Variants in SIPA1L1 observed in about 807,000 individuals in gnomAD.
The protein encoded by SIPA1L1 is signal-induced proliferation-associated 1-like protein 1.
Under a neutral mutation model 162.7 loss-of-function variants are expected in SIPA1L1, and 26 were observed. The ratio of observed to expected loss-of-function variants is 0.16; its 90% CI spans 0.12 to 0.22. The LOEUF (loss-of-function observed/expected upper bound fraction) is 0.22. Among genes scored for constraint, SIPA1L1 ranks in the 10% least tolerant of loss-of-function variants. SIPA1L1 has a pLI of 1.00. For missense variants in SIPA1L1, 1,874 were observed against 2,241.0 expected (o/e 0.84, Z 3.31); for synonymous variants, 829 against 837.4 (o/e 0.99, Z 0.17).
At position 71,589,064 on chromosome 14, in the gene SIPA1L1, C is replaced by T; in HGVS notation, c.1192C>T (p.Leu398Phe). 6.2e-7 allele frequency: 1 copy of T among 1,614,098 alleles called. No homozygotes were observed. Among genetic ancestry groups the T allele is most frequent in the South Asian group, 1.1e-5 (1 of 91,086 alleles). ...STEDLNSKGS[L>F]SMDQGDDKSN... ...AGAGGACCTGAATTCCAAAGGAAGCCTCAGCATGGACCAGGGAGATGATAA... is the reference window on the plus strand; with the variant it reads ...AGAGGACCTGAATTCCAAAGGAAGCTTCAGCATGGACCAGGGAGATGATAA... Residue 398 changes from leucine (L) to phenylalanine (F), a missense_variant, in exon 5 of 24, where the codon CTC becomes TTC. Physicochemically the swap from Leu to Phe is conservative, Grantham distance 22. This residue lies in a region of SIPA1L1 where 685 missense variants were observed against 828.0 expected (regional missense o/e 0.83). Coordinates refer to ENST00000381232, the MANE Select transcript of SIPA1L1 (RefSeq NM_001386936.1).
chr14:71,591,134 T>G (rs183296009), intron 5 of SIPA1L1, among the ~76,000 whole-genome samples: 4 of 152,266 alleles, frequency 2.6e-5, no homozygotes, highest in Non-Finnish European at 4.4e-5. Context: ...TAATGGGTAC[T>G]TTTTTCCTAT....
chr14:71,352,938 C>G (rs2036864587), intron 2 of SIPA1L1, among the ~76,000 whole-genome samples: 1 of 152,122 alleles, frequency 6.6e-6, no homozygotes, highest in Non-Finnish European at 1.5e-5. Flanking sequence ...ATTTAAGCAC[C>G]TTTTCATATT....
At chr14:71,627,228 G>C (rs566215310) in intron 7 of SIPA1L1, among the ~76,000 whole-genome samples, 1 of 136,472 alleles carries the variant, frequency 7.3e-6, no homozygotes, top group Non-Finnish European at 1.5e-5. Context: ...GCGCGATCTC[G>C]GCTCACTGCA....
chr14:71,467,852 T>TAAAAAAAAAA (rs11394096), intron 2 of SIPA1L1, among the ~76,000 whole-genome samples: 1 of 135,780 alleles, frequency 7.4e-6, no homozygotes, highest in African/African-American at 2.7e-5. Flanking sequence ...CCCCATCTCT[T>TAAAAAAAAAA]AAAAAAAAAA....
At position 71,377,836 on chromosome 14, in the gene SIPA1L1, C is replaced by T. The variant is rs1319965634; in HGVS notation, c.-465+56655C>T. 1.3e-5 allele frequency among the ~76,000 whole-genome samples: 2 copies of T among 152,136 alleles called. No individual in the cohort carries two copies. Among genetic ancestry groups the T allele is most frequent in the African/African-American group, 2.4e-5 (1 of 41,444 alleles). On this transcript the variant is annotated intron_variant, in intron 2 of 23. Transcript: ENST00000381232. The surrounding 1 kb of genome is among the most constrained non-coding windows in gnomAD (Gnocchi z 4.8). ...CCAAAAAATACAAAAACCAGTCAGG[C>T]GTGGCGGCGCGTGCCTGCAATCCCA...
rs549976706 is a variant in SIPA1L1, at chr14:71,567,951, G to T, written c.-302-19620G>T. On this transcript the variant is annotated intron_variant, in intron 4 of 23. Coordinates refer to ENST00000381232, the MANE Select transcript of SIPA1L1 (RefSeq NM_001386936.1). ...GCATTTGTAAACTGCAGTAGTGCTG[G>T]TGGGAATGTCTTTTAGCATGCTAAT... Among the ~76,000 whole-genome samples, 3 of 152,228 alleles carry T rather than the reference G, an allele frequency of 2.0e-5. No individual in the cohort carries two copies. In the South Asian group the frequency reaches 6.2e-4, roughly 32 times the overall value.
rs192312352 is a variant in SIPA1L1 at position 71,430,512 on chromosome 14, G to A, written c.-464-82231G>A. Among the ~76,000 whole-genome samples, 32 of 152,186 alleles carry A rather than the reference G, an allele frequency of 2.1e-4. 1 individual carries two copies. In the East Asian group the frequency reaches 5.8e-3, roughly 28 times the overall value. On this transcript the variant is annotated intron_variant, in intron 2 of 23. Transcript: ENST00000381232. ...TTCATCTAACAAATGGGGCTAATAA[G>A]CCAGGAGCCCAGCAGGGTTTTTGGG...
At chr14:71,453,694 G>A (rs1429228820) in intron 2 of SIPA1L1, among the ~76,000 whole-genome samples, 2 of 152,060 alleles carry the variant, frequency 1.3e-5, no homozygotes, top group Non-Finnish European at 2.9e-5. Flanking sequence ...TATTGCATTA[G>A]AAATCTTAGA....
Position 71,335,781 on chromosome 14 carries a change from A to G in SIPA1L1, c.-465+14600A>G, listed in dbSNP as rs2035032467. On this transcript the variant is annotated intron_variant, in intron 2 of 23. Transcript: ENST00000381232. ...TTACCCATCCGCTTAATAATTGTTA[A>G]GTTACATAGTCTTTTGCTTTTCATT... Among the ~76,000 whole-genome samples, 4 of 152,186 alleles carry G rather than the reference A, an allele frequency of 2.6e-5. No individual in the cohort carries two copies. The South Asian group carries it at 8.3e-4, about 32-fold the overall frequency.
chr14:71,624,729 A>T (rs2039799857), intron 7 of SIPA1L1, among the ~76,000 whole-genome samples: 1 of 152,178 alleles, frequency 6.6e-6, no homozygotes, highest in Admixed American at 6.5e-5. Context: ...TTAAGTAATA[A>T]ATCCAATTTC....
chr14:71,661,019 G>A (rs2043459836), intron 9 of SIPA1L1, among the ~76,000 whole-genome samples: 1 of 152,210 alleles, frequency 6.6e-6, no homozygotes, highest in South Asian at 2.1e-4. Flanking sequence ...CAACACTGTT[G>A]TTATAGAAAC....
intron 2 of SIPA1L1, among the ~76,000 whole-genome samples, chr14:71,455,816 T>C (rs1459840598): frequency 6.6e-6 from 1 of 152,192 alleles, no homozygotes; most frequent in African/African-American, 2.4e-5. Context: ...TGTTAAATTG[T>C]TCCTTCTTGT....
At position 71,727,348 on chromosome 14, in the gene SIPA1L1, G is replaced by A. The variant is rs551556307; in HGVS notation, c.4614+2513G>A. Among the ~76,000 whole-genome samples the A allele has an allele frequency of 8.6e-5, 13 of 152,032 alleles. No individual in the cohort carries two copies. In the East Asian group the frequency reaches 2.3e-3, roughly 27 times the overall value. ...ACAGGAGACTGGCATGAAACAAAAC[G>A]CCACCTCTCCAGGCCCCATTCCTCA... On this transcript the variant is annotated intron_variant, in intron 19 of 23. Coordinates refer to ENST00000381232, the MANE Select transcript of SIPA1L1 (RefSeq NM_001386936.1).
In SIPA1L1 at chr14:71,590,042, AAAATATATATAT is replaced by A. The variant is rs1298394410; in HGVS notation, c.1498+674_1498+685del. Among the ~76,000 whole-genome samples the A allele has an allele frequency of 6.8e-3, 419 of 61,420 alleles. 1 individual carries two copies. Among genetic ancestry groups the A allele is most frequent in the South Asian group, 0.037 (65 of 1,762 alleles). The allele number at this position is 61,420 out of a possible 152,430, so 40.3% of individuals were successfully genotyped here. On this transcript the variant is annotated intron_variant, in intron 5 of 23. Coordinates refer to ENST00000381232, the MANE Select transcript of SIPA1L1 (RefSeq NM_001386936.1). ...AGAGTAAAAAAAAAAAAAAAAAAAA[AAAATATATATAT>A]ATATATATATATATATATATATGTA...
chr14:71,609,082 G>A (rs1045715367), intron 5 of SIPA1L1, among the ~76,000 whole-genome samples: 2 of 151,992 alleles, frequency 1.3e-5, no homozygotes, highest in Non-Finnish European at 1.5e-5. Context: ...AAATACAGTT[G>A]TATATTTTTG....
chr14:71,568,160 G>A (rs1406699379), intron 4 of SIPA1L1, among the ~76,000 whole-genome samples: 1 of 152,052 alleles, frequency 6.6e-6, no homozygotes, highest in Admixed American at 6.5e-5. Context: ...TAACCTCCTG[G>A]AAATGCAGCC....
At chr14:71,590,008 T>C (rs1447924022) in intron 5 of SIPA1L1, among the ~76,000 whole-genome samples, 1 of 136,464 alleles carries the variant, frequency 7.3e-6, no homozygotes, top group African/African-American at 2.8e-5. Context: ...AATCTTTTCT[T>C]TGAGTGGGAG....
At chr14:71,659,710 T>G (rs1438701659) in intron 9 of SIPA1L1, among the ~76,000 whole-genome samples, 1 of 152,138 alleles carries the variant, frequency 6.6e-6, no homozygotes, top group African/African-American at 2.4e-5. Flanking sequence ...GGTAAAAAAT[T>G]TACTAACAAG....
intron 13 of SIPA1L1, among the ~76,000 whole-genome samples, chr14:71,697,578 A>G (rs1318291353): frequency 6.6e-6 from 1 of 152,214 alleles, no homozygotes; most frequent in Non-Finnish European, 1.5e-5. Context: ...TTAGTCTTGA[A>G]AAGGTCTGAT....
Sources: gnomAD v4.1 joint callset for allele counts (sites outside exome capture counted in the v4.1 genomes callset) on GRCh38, gnomAD v4.1.1 for gene constraint, gnomAD v4.1.1 regional missense constraint, Gnocchi (gnomAD v3.1) non-coding constraint, MANE v1.5 for transcripts, NCBI Gene and HGNC (gene_info 2026-07-23, HGNC 2026-07-21) for gene names.